The following PTPRG variants were observed in gnomAD, a reference collection of about 807,000 sequenced individuals.
PTPRG encodes receptor-type tyrosine-protein phosphatase gamma.
A neutral mutation model predicts 165.3 loss-of-function variants in PTPRG; 102 were observed. That is an observed-to-expected ratio of 0.62 (90% CI 0.53 to 0.73). PTPRG has a LOEUF of 0.73. PTPRG is among the 30% of genes least tolerant of loss of function. The probability of loss-of-function intolerance (pLI) is 0.00; values close to 1 mark genes in which losing one functional copy is unlikely to be tolerated. For synonymous variants in PTPRG, 675 were observed against 669.5 expected, an observed-to-expected ratio of 1.01 and a Z score of -0.13; for missense variants, 1,866 against 1,861.4, an observed-to-expected ratio of 1.00 and a Z score of -0.05.
At chr3:61,923,227 T>C (rs996469322) in intron 2 of PTPRG, among the ~76,000 whole-genome samples, 1 of 152,250 alleles carries the variant, frequency 6.6e-6, no homozygotes, top group East Asian at 1.9e-4. Flanking sequence ...ACAAAATTAA[T>C]CATTATTTTG....
chr3:62,127,536 G>C (rs1339550443), intron 5 of PTPRG, among the ~76,000 whole-genome samples: 1 of 152,196 alleles, frequency 6.6e-6, no homozygotes, highest in Admixed American at 6.5e-5. Context: ...TTCCTCTGCA[G>C]CCATGGTTAA....
At chr3:61,830,071 C>A (rs796512453) in intron 2 of PTPRG, among the ~76,000 whole-genome samples, 13 of 152,318 alleles carry the variant, frequency 8.5e-5, no homozygotes, top group African/African-American at 2.9e-4. Context: ...CTTTGTTATA[C>A]ACAGTAGTTG....
At chr3:61,994,255 G>A (rs750667183) in intron 3 of PTPRG, among the ~76,000 whole-genome samples, 5 of 152,338 alleles carry the variant, frequency 3.3e-5, no homozygotes, top group African/African-American at 7.2e-5. Flanking sequence ...TGCTTCTGAT[G>A]TATGTTAATA....
At chr3:62,232,442 T>C (rs1700923043) in intron 14 of PTPRG, among the ~76,000 whole-genome samples, 1 of 152,230 alleles carries the variant, frequency 6.6e-6, no homozygotes, top group African/African-American at 2.4e-5. Flanking sequence ...TTTCTCTGTA[T>C]AGTTTTGGAG....
chr3:61,740,853 A>G (rs1382146828), intron 1 of PTPRG, among the ~76,000 whole-genome samples: 1 of 152,234 alleles, frequency 6.6e-6, no homozygotes, highest in Non-Finnish European at 1.5e-5. Context: ...TAAAATAGGG[A>G]ATCTAGTGTA....
chr3:61,604,915 G>A (rs1700961142), intron 1 of PTPRG, among the ~76,000 whole-genome samples: 1 of 152,130 alleles, frequency 6.6e-6, no homozygotes, highest in Non-Finnish European at 1.5e-5. Flanking sequence ...AACTTTACAA[G>A]TCACTCGGTC....
intron 1 of PTPRG, among the ~76,000 whole-genome samples, chr3:61,692,513 T>TTTG (rs1358045615): frequency 3.9e-5 from 6 of 152,142 alleles, no homozygotes; most frequent in Non-Finnish European, 7.4e-5. Flanking sequence ...ACAGGCTTTG[T>TTTG]GTGAGCAGCA....
chr3:62,042,970 ACAATTAAG>A (rs1700176925), intron 4 of PTPRG, among the ~76,000 whole-genome samples: 1 of 152,230 alleles, frequency 6.6e-6, no homozygotes, highest in South Asian at 2.1e-4. Flanking sequence ...TTACTTACGT[ACAATTAAG>A]CACACGTAGT....
At chr3:62,056,669 T>C (rs1205932729) in intron 4 of PTPRG, among the ~76,000 whole-genome samples, 2 of 152,120 alleles carry the variant, frequency 1.3e-5, no homozygotes, top group Admixed American at 1.3e-4. Flanking sequence ...CCTGACACAG[T>C]TGTGACAACC....
intron 13 of PTPRG, among the ~76,000 whole-genome samples, chr3:62,226,355 T>C (rs1320571920): frequency 6.6e-6 from 1 of 152,210 alleles, no homozygotes; most frequent in Non-Finnish European, 1.5e-5. Flanking sequence ...AGGCCAGATA[T>C]AAATCATCCT....
At chr3:61,712,991 A>G (rs927249218) in intron 1 of PTPRG, among the ~76,000 whole-genome samples, 2 of 152,168 alleles carry the variant, frequency 1.3e-5, no homozygotes, top group African/African-American at 4.8e-5. Context: ...TATTAGTAAC[A>G]TACCAACTTC....
intron 1 of PTPRG, among the ~76,000 whole-genome samples, chr3:61,745,946 C>T (rs988182278): frequency 1.6e-4 from 25 of 152,130 alleles, no homozygotes; most frequent in African/African-American, 5.8e-4. Flanking sequence ...AAACTGATCC[C>T]AGTAAAAATA....
In PTPRG at chr3:62,271,965, C is replaced by T. The variant is rs993178801; in HGVS notation, c.3182+410C>T. Among the ~76,000 whole-genome samples the T allele has an allele frequency of 6.6e-6, 1 of 152,030 alleles. No homozygotes were observed. Among genetic ancestry groups the T allele is most frequent in the Non-Finnish European group, 1.5e-5 (1 of 68,008 alleles). On this transcript the variant is annotated intron_variant, in intron 21 of 29. Coordinates refer to ENST00000474889, the MANE Select transcript of PTPRG (RefSeq NM_002841.4). The surrounding 1 kb of genome is among the most constrained non-coding windows in gnomAD (Gnocchi z 4.1). The stretch of plus-strand genomic sequence containing the variant: ...AAAAAAATTAGCCAGCATGGTGGCA[C>T]ATGCCTGTGGTCCCAGCTACATGGG...
rs765650285 is a variant in PTPRG at position 61,562,248 on chromosome 3, T to C, written c.-40T>C. 18 of 1,583,360 alleles carry C rather than the reference T, an allele frequency of 1.1e-5. No homozygotes were observed. In the Admixed American group the frequency reaches 1.7e-4, roughly 15 times the overall value. ...GAGGCAAGAACTTATTCAACAAGTT[T>C]ACCTCCCTGCTTTCCTCTTTTCGAT... is the stretch of plus-strand genomic sequence containing the variant. On this transcript the variant is annotated 5_prime_UTR_variant, in exon 1 of 30. Coordinates refer to ENST00000474889, the MANE Select transcript of PTPRG (RefSeq NM_002841.4).
chr3:61,972,129 C>T (rs2040399141), intron 2 of PTPRG, among the ~76,000 whole-genome samples: 2 of 152,186 alleles, frequency 1.3e-5, no homozygotes, highest in African/African-American at 4.8e-5. Context: ...ATATGTGTGG[C>T]AGAATAGGTC....
chr3:62,091,821 T>C (rs1701940268), intron 5 of PTPRG, among the ~76,000 whole-genome samples: 1 of 151,918 alleles, frequency 6.6e-6, no homozygotes, highest in African/African-American at 2.4e-5. Flanking sequence ...GTGGGAGATG[T>C]TATTCTCTTC....
intron 2 of PTPRG, among the ~76,000 whole-genome samples, chr3:61,972,406 G>T (rs192442857): frequency 1.3e-5 from 2 of 151,576 alleles, no homozygotes; most frequent in African/African-American, 4.8e-5. Flanking sequence ...GCTGTTGGGG[G>T]GTTTCATGCA....
chr3:62,097,680 A>G (rs1316033155), intron 5 of PTPRG, among the ~76,000 whole-genome samples: 1 of 152,228 alleles, frequency 6.6e-6, no homozygotes, highest in Admixed American at 6.5e-5. Flanking sequence ...ATAAAATAGA[A>G]CAAAGTGTGC....
intron 2 of PTPRG, among the ~76,000 whole-genome samples, chr3:61,850,552 C>G (rs1348630751): frequency 3.3e-5 from 5 of 152,024 alleles, no homozygotes; most frequent in Non-Finnish European, 7.4e-5. Context: ...AAAAATGTGT[C>G]CTATTTGTAC....
Sources: allele counts gnomAD v4.1 joint callset (sites outside exome capture counted in the v4.1 genomes callset), GRCh38; gene constraint gnomAD v4.1.1; non-coding constraint Gnocchi (gnomAD v3.1); transcripts MANE v1.5; gene names NCBI Gene and HGNC (gene_info 2026-07-23, HGNC 2026-07-21).